NTM: variants seen among roughly 807,000 people sequenced by gnomAD.
NTM encodes neurotrimin.
A neutral mutation model predicts 42.1 loss-of-function variants in NTM; 13 were observed. The observed-to-expected ratio is 0.31, with a 90% confidence interval of 0.20 to 0.49. The LOEUF (loss-of-function observed/expected upper bound fraction) is 0.49. Among genes scored for constraint, NTM ranks in the 20% least tolerant of loss-of-function variants. The pLI, the probability that NTM is intolerant of heterozygous loss-of-function variation, is 0.99. For synonymous variants in NTM, 187 were observed against 179.2 expected (o/e 1.04, Z -0.35); for missense variants, 373 against 452.8 (o/e 0.82, Z 1.60).
chr11:131,615,351 T>TTC (rs142402475), intron 1 of NTM, among the ~76,000 whole-genome samples: 38 of 150,618 alleles, frequency 2.5e-4, no homozygotes, highest in South Asian at 8.5e-4. Context: ...TCATAGCAAG[T>TTC]TCTCTCTCTC....
At chr11:131,372,080 C>T (rs1284310697) in intron 1 of NTM, among the ~76,000 whole-genome samples, 4 of 152,146 alleles carry the variant, frequency 2.6e-5, no homozygotes, top group Non-Finnish European at 5.9e-5. Context: ...GGCTCTTCTC[C>T]GAGGTTAGGA....
At chr11:131,628,491 G>C (rs944806856) in intron 1 of NTM, among the ~76,000 whole-genome samples, 3 of 152,172 alleles carry the variant, frequency 2.0e-5, no homozygotes, top group Admixed American at 6.5e-5. Context: ...GTAGAATCAC[G>C]AGTGTGTGTC....
At chr11:132,051,985 G>C (rs2135928718) in intron 2 of NTM, among the ~76,000 whole-genome samples, 1 of 152,296 alleles carries the variant, frequency 6.6e-6, no homozygotes, top group East Asian at 1.9e-4. Flanking sequence ...CATCTGCCAG[G>C]TCAGAGACAG....
At chr11:132,163,702 T>A (rs991807580) in intron 3 of NTM, among the ~76,000 whole-genome samples, 12 of 152,190 alleles carry the variant, frequency 7.9e-5, no homozygotes, top group Non-Finnish European at 1.5e-4. Flanking sequence ...AAGGACTGTA[T>A]CCCAATTGCC....
At chr11:131,982,287 A>G (rs778209727) in intron 2 of NTM, among the ~76,000 whole-genome samples, 1 of 151,940 alleles carries the variant, frequency 6.6e-6, no homozygotes, top group Non-Finnish European at 1.5e-5. Flanking sequence ...AGAGTTTGCA[A>G]CCCTCCCCAG....
At chr11:132,001,400 C>T (rs2069200454) in intron 2 of NTM, among the ~76,000 whole-genome samples, 1 of 152,142 alleles carries the variant, frequency 6.6e-6, no homozygotes, top group Non-Finnish European at 1.5e-5. Context: ...TAAAGATATA[C>T]CTGAAATTGG....
intron 7 of NTM, among the ~76,000 whole-genome samples, chr11:132,320,838 C>T (rs1427713381): frequency 6.6e-6 from 1 of 151,674 alleles, no homozygotes; most frequent in Admixed American, 6.6e-5. Flanking sequence ...TGAGAACGGG[C>T]AGACTGCCTC....
intron 1 of NTM, among the ~76,000 whole-genome samples, chr11:131,497,966 T>G (rs1340247894): frequency 1.3e-5 from 2 of 152,304 alleles, no homozygotes; most frequent in African/African-American, 4.8e-5. Flanking sequence ...TTAGACTGTG[T>G]GGTCCAACCC....
chr11:131,646,685 T>C (rs1302938097), intron 1 of NTM, among the ~76,000 whole-genome samples: 1 of 152,170 alleles, frequency 6.6e-6, no homozygotes, highest in African/African-American at 2.4e-5. Flanking sequence ...GCCAGGAACT[T>C]CTAGGGAGAT....
chr11:131,578,669 C>T (rs1258601318), intron 1 of NTM, among the ~76,000 whole-genome samples: 2 of 152,084 alleles, frequency 1.3e-5, no homozygotes, highest in East Asian at 1.9e-4. Context: ...AGCTGTGAAC[C>T]CTTATGCAAG....
chr11:132,047,735 A>G (rs1392751218), intron 2 of NTM, among the ~76,000 whole-genome samples: 2 of 152,150 alleles, frequency 1.3e-5, no homozygotes, highest in Non-Finnish European at 2.9e-5. Context: ...CTTAGGCCCC[A>G]CTGTTTTTCC....
chr11:131,572,552 TG>T (rs1360271861), intron 1 of NTM, among the ~76,000 whole-genome samples: 3 of 152,074 alleles, frequency 2.0e-5, no homozygotes, highest in Non-Finnish European at 4.4e-5. Context: ...CTGCCACTAA[TG>T]TTCATGTAGA....
intron 1 of NTM, among the ~76,000 whole-genome samples, chr11:131,834,808 T>C (rs2136592944): frequency 6.6e-6 from 1 of 152,024 alleles, no homozygotes; most frequent in South Asian, 2.1e-4. Context: ...CTGTAGCCCA[T>C]AATTTAGATC....
At chr11:131,586,504 T>G (rs905805393) in intron 1 of NTM, among the ~76,000 whole-genome samples, 5 of 152,068 alleles carry the variant, frequency 3.3e-5, no homozygotes, top group Non-Finnish European at 7.4e-5. Context: ...CTGTTAATGG[T>G]CATATGAGTG....
intron 1 of NTM, among the ~76,000 whole-genome samples, chr11:131,376,399 C>T (rs188575298): frequency 6.6e-6 from 1 of 152,228 alleles, no homozygotes; most frequent in East Asian, 1.9e-4. Context: ...TCTACTGCTT[C>T]TAAAATCATG....
At chr11:131,680,396 TGTGC>T (rs1225845012) in intron 1 of NTM, among the ~76,000 whole-genome samples, 4 of 151,696 alleles carry the variant, frequency 2.6e-5, no homozygotes, top group African/African-American at 4.8e-5. Context: ...CCTGTGTGTG[TGTGC>T]GTCTGTGTAG....
chr11:131,480,549 T>C (rs999847826), intron 1 of NTM, among the ~76,000 whole-genome samples: 6 of 152,082 alleles, frequency 3.9e-5, no homozygotes, highest in Non-Finnish European at 7.4e-5. Flanking sequence ...TCAGAACAAG[T>C]GTGGAAATTG....
chr11:131,773,981 C>G, intron 1 of NTM: 1 of 983,226 alleles, frequency 1.0e-6, no homozygotes, highest in Non-Finnish European at 1.2e-6. Context: ...TTAAGGACCT[C>G]CAATTCCTGA....
chr11:131,684,289 G>A (rs2073490568), intron 1 of NTM, among the ~76,000 whole-genome samples: 1 of 152,126 alleles, frequency 6.6e-6, no homozygotes, highest in Non-Finnish European at 1.5e-5. Flanking sequence ...AGCGATCCAG[G>A]GAGGATCCTC....
Sources: allele counts gnomAD v4.1 joint callset (sites outside exome capture counted in the v4.1 genomes callset), GRCh38; gene constraint gnomAD v4.1.1; transcripts MANE v1.5; gene names NCBI Gene and HGNC (gene_info 2026-07-23, HGNC 2026-07-21).